Variants in DIP2B observed in about 807,000 individuals in gnomAD.
DIP2B encodes the protein DIP2 acetate--CoA ligase B (putative).
DIP2B carries 76 observed loss-of-function variants against 198.0 expected under a neutral mutation model. That is an observed-to-expected ratio of 0.38 (90% confidence interval 0.32 to 0.46). DIP2B has a LOEUF of 0.46. Among genes scored for constraint, DIP2B ranks in the 20% least tolerant of loss-of-function variants. The probability of loss-of-function intolerance (pLI) is 0.99; values close to 1 mark genes in which losing one functional copy is unlikely to be tolerated. For missense variants in DIP2B, 1,559 were observed against 1,978.4 expected (o/e 0.79, Z 4.02); for synonymous variants, 701 against 739.1 (o/e 0.95, Z 0.84).
intron 1 of DIP2B, among the ~76,000 whole-genome samples, chr12:50,576,047 C>T (rs1296867087): frequency 1.3e-5 from 2 of 148,884 alleles, no homozygotes; most frequent in East Asian, 2.0e-4. Context: ...TGTGAGCCAC[C>T]GTGCCTGGCC....
At chr12:50,689,168 C>A (rs1024834119) in intron 12 of DIP2B, among the ~76,000 whole-genome samples, 1 of 152,222 alleles carries the variant, frequency 6.6e-6, no homozygotes, top group East Asian at 1.9e-4. Flanking sequence ...GAGGCTTAGG[C>A]AGGCGGATCA....
At chr12:50,620,546 T>G (rs1460682764) in intron 1 of DIP2B, among the ~76,000 whole-genome samples, 1 of 152,180 alleles carries the variant, frequency 6.6e-6, no homozygotes, top group Non-Finnish European at 1.5e-5. Context: ...GCTCTATGCC[T>G]GCCTCCACTC....
chr12:50,731,578 C>G (rs1432657453), intron 31 of DIP2B, 41 bp downstream of exon 31: 2 of 1,577,730 alleles, frequency 1.3e-6, no homozygotes, highest in Non-Finnish European at 1.7e-6. Flanking sequence ...CCAAAAGGTT[C>G]TGAAGAAATG....
intron 1 of DIP2B, among the ~76,000 whole-genome samples, chr12:50,622,073 G>C (rs896488169): frequency 6.6e-6 from 1 of 152,232 alleles, no homozygotes; most frequent in African/African-American, 2.4e-5. Flanking sequence ...CACTCTGCCA[G>C]ATGTGTTCTG....
intron 6 of DIP2B, among the ~76,000 whole-genome samples, 179 bp downstream of exon 6, chr12:50,674,808 A>C (rs369097004): frequency 7.2e-5 from 11 of 152,238 alleles, no homozygotes; most frequent in East Asian, 3.8e-4. Context: ...TTGCCACTTA[A>C]TTGAACTTAG....
chr12:50,683,084 A>C lies in DIP2B; in HGVS notation c.1207-54A>C, dbSNP rs143624390. 3.1e-4 allele frequency: 420 copies of C among 1,369,064 alleles called. 1 individual carries two copies. Among genetic ancestry groups the C allele is most frequent in the Middle Eastern group, 9.6e-4 (5 of 5,186 alleles). 84.8% of individuals were successfully genotyped at this position (1,369,064 alleles called of 1,614,324 possible). On this transcript the variant is annotated intron_variant, in intron 9 of 37. Coordinates refer to ENST00000301180, the MANE Select transcript of DIP2B (RefSeq NM_173602.3). ...TACATACTTAGACAGTGACATTGAA[A>C]GCATTAGTATGTTTTTATTCCTCTG...
rs117974881 is a variant in DIP2B, at chr12:50,697,994, A to G, written c.2049-334A>G. ...ATTGTAGCCTCAACCTCCCAGGCTC[A>G]GATGGTTCTCCCACCTTAGCCTCCC... On this transcript the variant is annotated intron_variant, in intron 17 of 37. Coordinates refer to ENST00000301180, the MANE Select transcript of DIP2B (RefSeq NM_173602.3). 1.9e-3 allele frequency among the ~76,000 whole-genome samples: 296 copies of G among 152,254 alleles called. 1 individual carries two copies. The East Asian group carries it at 0.022, about 11-fold the overall frequency.
intron 1 of DIP2B, among the ~76,000 whole-genome samples, chr12:50,592,469 T>C (rs964671676): frequency 2.0e-5 from 3 of 151,962 alleles, no homozygotes; most frequent in African/African-American, 7.2e-5. Flanking sequence ...AACTTTTAGA[T>C]TATTTATTTT....
At chr12:50,656,843 A>G (rs989160871) in intron 3 of DIP2B, 1 of 152,216 alleles carries the variant, frequency 6.6e-6, no homozygotes, top group Admixed American at 6.5e-5. Context: ...AAGTGCTGGA[A>G]TTACAGGCAT....
Position 50,739,436 on chromosome 12 carries a change from A to G in DIP2B, c.4204A>G (p.Ser1402Gly). The G allele has an allele frequency of 6.2e-7, 1 of 1,613,798 alleles. No homozygotes were observed. Among genetic ancestry groups the G allele is most frequent in the Non-Finnish European group, 8.5e-7 (1 of 1,179,672 alleles). The change falls in exon 36 of 38, where the codon AGC becomes GGC. Residue 1402 changes from serine to glycine, a missense_variant. Ser to Gly is a moderately conservative substitution (Grantham distance 56, BLOSUM62 0). Coordinates refer to ENST00000301180, the MANE Select transcript of DIP2B (RefSeq NM_173602.3). ...EIWVNSPHTA[S>G]GYYTIYDSET... The stretch of plus-strand genomic sequence containing the variant: ...TTGGGTGAACAGTCCCCATACAGCC[A>G]GCGGCTACTACACCATCTATGATAG...
In DIP2B at chr12:50,638,638, G is replaced by C. The variant is rs1938199664; in HGVS notation, c.173-2086G>C. Among the ~76,000 whole-genome samples the C allele has an allele frequency of 2.0e-5, 3 of 152,066 alleles. No homozygotes were observed. The South Asian group carries it at 6.2e-4, about 32-fold the overall frequency. ...TCAAAACACAGGAATCTGTATTTTA[G>C]CACCCCAGGTAATTTCTGAGATCTA... is the stretch of plus-strand genomic sequence containing the variant. On this transcript the variant is annotated intron_variant, in intron 2 of 37. Transcript: ENST00000301180.
chr12:50,506,385 C>G (rs1304449695), intron 1 of DIP2B, among the ~76,000 whole-genome samples: 2 of 152,084 alleles, frequency 1.3e-5, no homozygotes, highest in African/African-American at 2.4e-5. Flanking sequence ...TTATTGTTTA[C>G]TTATTAAGGC....
rs1245841128 is a variant in DIP2B at position 50,714,420 on chromosome 12, G to C, written c.2675G>C (p.Gly892Ala). Residue 892 changes from glycine to alanine, a missense_variant, in exon 23 of 38, where the codon GGG becomes GCG. Gly to Ala is a moderately conservative substitution (Grantham distance 60). Transcript: ENST00000301180. ...GCGATCGATAGCATTCATCAAGTGGGGGTTTATTGTCTTGCTCTGGTGCCA... is the reference window on the plus strand; with the variant it reads ...GCGATCGATAGCATTCATCAAGTGGCGGTTTATTGTCTTGCTCTGGTGCCA... Reference protein sequence around the residue: ...LQAIDSIHQVGVYCLALVPAN... With the variant: ...LQAIDSIHQVAVYCLALVPAN... The C allele has an allele frequency of 1.2e-6, 2 of 1,614,094 alleles. No homozygotes were observed. The highest frequency in any genetic ancestry group is 2.2e-5 in the South Asian group (2 of 91,072).
intron 29 of DIP2B, 45 bp downstream of exon 29, chr12:50,727,857 G>GA (rs1939965327): frequency 2.6e-6 from 4 of 1,515,250 alleles, no homozygotes; most frequent in Non-Finnish European, 2.7e-6. Flanking sequence ...AAAAAATAGA[G>GA]ATGACCACTG....
In DIP2B at chr12:50,744,706, T is replaced by C. The variant is rs755703958; in HGVS notation, c.4598T>C (p.Ile1533Thr). The C allele has an allele frequency of 6.2e-7, 1 of 1,614,162 alleles. No individual in the cohort carries two copies. Among genetic ancestry groups the C allele is most frequent in the Non-Finnish European group, 8.5e-7 (1 of 1,180,038 alleles). The change falls in exon 38 of 38, where the codon ATC (isoleucine) becomes ACC (threonine). Residue 1533 changes from isoleucine (I) to threonine (T), a missense_variant. Coordinates refer to ENST00000301180, the MANE Select transcript of DIP2B (RefSeq NM_173602.3). ...TNVVLEEHYL[I>T]VGVVVVVDPG... ...GTGGTCCTGGAAGAGCATTACCTCA[T>C]CGTTGGCGTCGTGGTTGTGGTGGAC...
intron 2 of DIP2B, among the ~76,000 whole-genome samples, chr12:50,626,683 T>G (rs879714337): frequency 3.5e-4 from 54 of 152,312 alleles, no homozygotes; most frequent in Admixed American, 2.5e-3. Flanking sequence ...TATATCACTT[T>G]TACTATAGGG....
chr12:50,641,442 A>G (rs910608835), intron 3 of DIP2B, among the ~76,000 whole-genome samples: 1 of 152,216 alleles, frequency 6.6e-6, no homozygotes, highest in Non-Finnish European at 1.5e-5. Flanking sequence ...AGGCCATGTG[A>G]ATAAATAAGT....
intron 20 of DIP2B, 142 bp downstream of exon 20, chr12:50,704,362 T>C: frequency 1.5e-6 from 1 of 655,474 alleles, no homozygotes; most frequent in Non-Finnish European, 2.3e-6. Context: ...TGTAAGGATG[T>C]CATAAAATGA....
intron 4 of DIP2B, among the ~76,000 whole-genome samples, chr12:50,665,010 G>A (rs1294668815): frequency 6.6e-6 from 1 of 151,612 alleles, no homozygotes; most frequent in African/African-American, 2.4e-5. Context: ...TGCCACACCC[G>A]GCTAATATTT....
Sources: gnomAD v4.1 joint callset for allele counts (sites outside exome capture counted in the v4.1 genomes callset) on GRCh38, gnomAD v4.1.1 for gene constraint, MANE v1.5 for transcripts, NCBI Gene and HGNC (gene_info 2026-07-23, HGNC 2026-07-21) for gene names.